SH2D4A: variants seen among roughly 807,000 people sequenced by gnomAD.
The protein encoded by SH2D4A is SH2 domain containing 4A, also known as SH2 domain-containing protein 4A.
Under a neutral mutation model 64.7 loss-of-function variants are expected in SH2D4A, and 70 were observed. The observed-to-expected ratio is 1.08, with a 90% CI of 0.89 to 1.32. SH2D4A has a LOEUF of 1.32. SH2D4A is among the 40% of genes most tolerant of loss of function. SH2D4A has a pLI of 0.00. For missense variants in SH2D4A, 706 were observed against 540.1 expected (o/e 1.31, Z -3.04); for synonymous variants, 268 against 200.7 (o/e 1.34, Z -2.83).
rs1195507773 is a variant in SH2D4A at position 19,319,441 on chromosome 8, T to G, written c.-107T>G. 1 of 1,341,184 alleles carries G rather than the reference T, an allele frequency of 7.5e-7. No homozygotes were observed. Among genetic ancestry groups the G allele is most frequent in the Non-Finnish European group, 9.6e-7 (1 of 1,042,514 alleles). The allele number at this position is 1,341,184 out of a possible 1,614,324, so 83.1% of individuals were successfully genotyped here. ...CAGTCAGCCAGGATTGTGAGCTGTT[T>G]GGGAAGTTTCGTGGAAACGCCCAAG... On this transcript the variant is annotated 5_prime_UTR_variant, in exon 2 of 10. Transcript: ENST00000265807.
intron 1 of SH2D4A, among the ~76,000 whole-genome samples, chr8:19,318,290 C>A (rs1322769533): frequency 6.6e-6 from 1 of 152,058 alleles, no homozygotes; most frequent in Non-Finnish European, 1.5e-5. Context: ...AATCCAAAGT[C>A]TTTTGTTTTC....
intron 2 of SH2D4A, among the ~76,000 whole-genome samples, chr8:19,321,386 G>C (rs995989395): frequency 6.6e-6 from 1 of 152,038 alleles, no homozygotes; most frequent in African/African-American, 2.4e-5. Flanking sequence ...GCTAATTTTT[G>C]AATTTTTAGT....
intron 8 of SH2D4A, among the ~76,000 whole-genome samples, chr8:19,390,102 G>C (rs944399448): frequency 6.6e-6 from 1 of 152,166 alleles, no homozygotes; most frequent in African/African-American, 2.4e-5. Flanking sequence ...GGGTGCAGTG[G>C]CTCACGCCTA....
rs991106723 is a variant in SH2D4A at position 19,395,791 on chromosome 8, T to A, written c.*1149T>A. ...CAGACTCCAGAACTGGAAGAATAAA[T>A]GTCTGTTGTTTTAAGCTGCTTAGTT... On this transcript the variant is annotated 3_prime_UTR_variant, in exon 10 of 10. Transcript: ENST00000265807. 7 of 152,160 alleles carry A rather than the reference T, an allele frequency of 4.6e-5. No individual in the cohort carries two copies. The South Asian group carries it at 8.3e-4, about 18-fold the overall frequency. The allele number at this position is 152,160 out of a possible 1,614,324, so 9.4% of individuals were successfully genotyped here. A position where few individuals can be genotyped will look rare whatever the true frequency, so the allele number is the denominator to read the frequency against.
chr8:19,318,988 T>C (rs529959191), intron 1 of SH2D4A, among the ~76,000 whole-genome samples: 2 of 152,280 alleles, frequency 1.3e-5, no homozygotes, highest in Non-Finnish European at 2.9e-5. Flanking sequence ...GTGACTTTTT[T>C]TTTTCTTTCT....
intron 4 of SH2D4A, among the ~76,000 whole-genome samples, chr8:19,350,657 T>A (rs1401861724): frequency 6.6e-6 from 1 of 152,082 alleles, no homozygotes. Context: ...CCCACTTTTG[T>A]ATTTTCTGTA....
intron 8 of SH2D4A, 24 bp from the exon 9 acceptor site, chr8:19,393,294 C>G (rs542752790): frequency 5.6e-6 from 9 of 1,611,156 alleles, no homozygotes; most frequent in African/African-American, 2.7e-5. Flanking sequence ...GCTGAAATAC[C>G]TGCCTTTTTT....
Position 19,393,422 on chromosome 8 carries a change from T to C in SH2D4A, c.1153T>C (p.Tyr385His), listed in dbSNP as rs1188741819. 6.2e-7 allele frequency: 1 copy of C among 1,614,266 alleles called. No homozygotes were observed. Among genetic ancestry groups the C allele is most frequent in the African/African-American group, 1.3e-5 (1 of 75,084 alleles). ...SERIKGYALSYLSEDGCKHFL... is the reference protein window; with the variant it reads ...SERIKGYALSHLSEDGCKHFL... The stretch of plus-strand genomic sequence containing the variant: ...AAGGATCAAAGGCTATGCCCTGTCC[T>C]ATCTGTCGGAGGACGGCTGTAAACA... Residue 385 changes from tyrosine (Y) to histidine (H), a missense_variant, in exon 9 of 10, where the codon TAT (tyrosine) becomes CAT (histidine). Transcript: ENST00000265807.
At chr8:19,356,146 G>A (rs931645617) in intron 4 of SH2D4A, among the ~76,000 whole-genome samples, 4 of 152,160 alleles carry the variant, frequency 2.6e-5, no homozygotes, top group African/African-American at 9.7e-5. Flanking sequence ...TTTCAAGTGG[G>A]CCTGGGGAGA....
At chr8:19,347,898 A>T (rs945583154) in intron 4 of SH2D4A, among the ~76,000 whole-genome samples, 1 of 152,198 alleles carries the variant, frequency 6.6e-6, no homozygotes, top group Non-Finnish European at 1.5e-5. Context: ...AGGCAAACAC[A>T]TGCCACACAT....
intron 4 of SH2D4A, among the ~76,000 whole-genome samples, chr8:19,354,231 C>T (rs547735611): frequency 1.3e-5 from 2 of 152,020 alleles, no homozygotes; most frequent in South Asian, 2.1e-4. Context: ...GAACTCCTGA[C>T]CTCAGGTGAT....
chr8:19,327,860 C>T (rs556069711), intron 2 of SH2D4A, among the ~76,000 whole-genome samples: 9 of 152,162 alleles, frequency 5.9e-5, no homozygotes, highest in East Asian at 1.9e-4. Flanking sequence ...CCTTCCATCC[C>T]GCCTTTGTAG....
intron 2 of SH2D4A, among the ~76,000 whole-genome samples, chr8:19,326,078 G>A (rs1210951035): frequency 6.6e-6 from 1 of 152,228 alleles, no homozygotes; most frequent in Admixed American, 6.5e-5. Context: ...AGTTTGGACT[G>A]TATGAGGTAA....
chr8:19,353,565 C>T (rs1046830968), intron 4 of SH2D4A, among the ~76,000 whole-genome samples: 3 of 151,468 alleles, frequency 2.0e-5, no homozygotes, highest in African/African-American at 4.9e-5. Context: ...AATGGGGTTT[C>T]ACCATGTTGG....
intron 5 of SH2D4A, among the ~76,000 whole-genome samples, chr8:19,357,539 A>G (rs2052812870): frequency 6.6e-6 from 1 of 152,226 alleles, no homozygotes; most frequent in Non-Finnish European, 1.5e-5. Flanking sequence ...TAGAGGCGGC[A>G]TCCCAGGCTG....
intron 8 of SH2D4A, 128 bp downstream of exon 8, chr8:19,373,788 C>A: frequency 7.7e-7 from 1 of 1,302,822 alleles, no homozygotes; most frequent in South Asian, 1.8e-5. Flanking sequence ...CAGATTATTT[C>A]ACAAAGCAGT....
chr8:19,340,418 A>C (rs527840209), intron 4 of SH2D4A, among the ~76,000 whole-genome samples: 1 of 152,092 alleles, frequency 6.6e-6, no homozygotes, highest in East Asian at 1.9e-4. Context: ...AGCATGACCC[A>C]GGTTTCTAAG....
intron 4 of SH2D4A, among the ~76,000 whole-genome samples, chr8:19,345,575 G>A (rs1352688899): frequency 1.3e-5 from 2 of 152,186 alleles, no homozygotes; most frequent in Non-Finnish European, 2.9e-5. Context: ...CTTTGGTCAA[G>A]TGGCATTCCT....
At chr8:19,345,258 G>A (rs984674495) in intron 4 of SH2D4A, among the ~76,000 whole-genome samples, 33 of 152,204 alleles carry the variant, frequency 2.2e-4, no homozygotes, top group African/African-American at 7.0e-4. Context: ...GCCACATGGA[G>A]TCCTAGGAGT....
Sources: allele counts gnomAD v4.1 joint callset (sites outside exome capture counted in the v4.1 genomes callset), GRCh38; gene constraint gnomAD v4.1.1; transcripts MANE v1.5; gene names NCBI Gene and HGNC (gene_info 2026-07-23, HGNC 2026-07-21).